MAP2K5: variants seen among roughly 807,000 people sequenced by gnomAD.
The protein encoded by MAP2K5 is mitogen-activated protein kinase kinase 5.
MAP2K5 carries 49 observed loss-of-function variants against 83.1 expected under a neutral mutation model. The observed-to-expected ratio is 0.59, with a 90% CI of 0.47 to 0.75. The LOEUF (loss-of-function observed/expected upper bound fraction) is 0.75. Among genes scored for constraint, MAP2K5 ranks in the 30% least tolerant of loss-of-function variants. MAP2K5 has a pLI of 0.00. For synonymous variants in MAP2K5, 202 were observed against 191.8 expected (o/e 1.05, Z -0.44); for missense variants, 457 against 557.5 (o/e 0.82, Z 1.82).
In MAP2K5 at chr15:67,769,531, G is replaced by C; in HGVS notation, c.1135-71G>C. 2 of 1,333,104 alleles carry C rather than the reference G, an allele frequency of 1.5e-6. No homozygotes were observed. Among genetic ancestry groups the C allele is most frequent in the Non-Finnish European group, 2.2e-6 (2 of 926,614 alleles). The allele number at this position is 1,333,104 out of a possible 1,614,324, so 82.6% of individuals were successfully genotyped here. A position where few individuals can be genotyped will look rare whatever the true frequency, so the allele number is the denominator to read the frequency against. ...ATCTTTATACTCATCCTTCACATGGGTGGGTGGGGAATATAAAGAAAGAGA... is the reference window on the plus strand; with the variant it reads ...ATCTTTATACTCATCCTTCACATGGCTGGGTGGGGAATATAAAGAAAGAGA... On this transcript the variant is annotated intron_variant, in intron 19 of 21. Transcript: ENST00000178640. This position sits in a 1 kb window ranked among gnomAD's most constrained non-coding sequence, Gnocchi z 5.2.
intron 9 of MAP2K5, among the ~76,000 whole-genome samples, chr15:67,633,430 T>G (rs1309808969): frequency 6.6e-6 from 1 of 152,232 alleles, no homozygotes; most frequent in African/African-American, 2.4e-5. Flanking sequence ...TTTTCGTAAT[T>G]TCATACATTT....
At position 67,757,705 on chromosome 15, in the gene MAP2K5, G is replaced by C. The variant is rs1457270808; in HGVS notation, c.1134+9104G>C. Among the ~76,000 whole-genome samples the C allele has an allele frequency of 1.3e-5, 2 of 152,038 alleles. No individual in the cohort carries two copies. Among genetic ancestry groups the C allele is most frequent in the Non-Finnish European group, 2.9e-5 (2 of 67,996 alleles). Reference sequence around the variant, plus strand: ...TCACTAAACTGCAGGTAATGTAAGTGATACGAGACTTGATGGCCTGGGCTC... The same window carrying C: ...TCACTAAACTGCAGGTAATGTAAGTCATACGAGACTTGATGGCCTGGGCTC... On this transcript the variant is annotated intron_variant, in intron 19 of 21. Coordinates refer to ENST00000178640, the MANE Select transcript of MAP2K5 (RefSeq NM_145160.3). This position sits in a 1 kb window ranked among gnomAD's most constrained non-coding sequence, Gnocchi z 4.9.
rs2089934710 is a variant in MAP2K5 at position 67,760,792 on chromosome 15, G to C, written c.1135-8810G>C. Among the ~76,000 whole-genome samples, 1 of 152,086 alleles carries C rather than the reference G, an allele frequency of 6.6e-6. No homozygotes were observed. Among genetic ancestry groups the C allele is most frequent in the South Asian group, 2.1e-4 (1 of 4,816 alleles). On this transcript the variant is annotated intron_variant, in intron 19 of 21. Coordinates refer to ENST00000178640, the MANE Select transcript of MAP2K5 (RefSeq NM_145160.3). This position sits in a 1 kb window ranked among gnomAD's most constrained non-coding sequence, Gnocchi z 4.1. Reference sequence around the variant, plus strand: ...CTGCTGTCATTTAACATGTGTTGCTGTATTGTGAAGTCTTACCCAGCCATA... The same window carrying C: ...CTGCTGTCATTTAACATGTGTTGCTCTATTGTGAAGTCTTACCCAGCCATA...
At position 67,763,226 on chromosome 15, in the gene MAP2K5, A is replaced by G. The variant is rs183449253; in HGVS notation, c.1135-6376A>G. Among the ~76,000 whole-genome samples the G allele has an allele frequency of 7.0e-4, 106 of 152,238 alleles. 1 individual carries two copies. The highest frequency in any genetic ancestry group is 6.8e-3 in the Admixed American group (104 of 15,292). Reference sequence around the variant, plus strand: ...ACACACCGAGAAGTAGGTCAGTTCTATCTGCATCATGAAATCAAAAATAAA... The same window carrying G: ...ACACACCGAGAAGTAGGTCAGTTCTGTCTGCATCATGAAATCAAAAATAAA... On this transcript the variant is annotated intron_variant, in intron 19 of 21. Coordinates refer to ENST00000178640, the MANE Select transcript of MAP2K5 (RefSeq NM_145160.3).
At chr15:67,788,416 C>G (rs1358432343) in intron 21 of MAP2K5, among the ~76,000 whole-genome samples, 1 of 152,108 alleles carries the variant, frequency 6.6e-6, no homozygotes, top group Non-Finnish European at 1.5e-5. Flanking sequence ...AAGTATTTCT[C>G]TATTTTATAA....
At chr15:67,655,245 C>T (rs1485309309) in intron 11 of MAP2K5, among the ~76,000 whole-genome samples, 1 of 152,172 alleles carries the variant, frequency 6.6e-6, no homozygotes, top group East Asian at 1.9e-4. Context: ...ACAAAACATA[C>T]ATTTATCCTG....
At chr15:67,584,649 G>A (rs955167517) in intron 4 of MAP2K5, among the ~76,000 whole-genome samples, 34 of 132,946 alleles carry the variant, frequency 2.6e-4, no homozygotes, top group African/African-American at 9.2e-4. Flanking sequence ...GCAGTGTTTT[G>A]TAATTATTAC....
In MAP2K5 at chr15:67,736,663, C is replaced by T. The variant is rs2089347520; in HGVS notation, c.1074+8718C>T. Reference sequence around the variant, plus strand: ...ATATATAGAATTATATACAGAATCTCGTCATTTTTAGTTCAGTTACTGGGG... The same window carrying T: ...ATATATAGAATTATATACAGAATCTTGTCATTTTTAGTTCAGTTACTGGGG... On this transcript the variant is annotated intron_variant, in intron 17 of 21. Coordinates refer to ENST00000178640, the MANE Select transcript of MAP2K5 (RefSeq NM_145160.3). The surrounding 1 kb of genome is among the most constrained non-coding windows in gnomAD (Gnocchi z 4.3). Among the ~76,000 whole-genome samples, 2 of 152,246 alleles carry T rather than the reference C, an allele frequency of 1.3e-5. No individual in the cohort carries two copies. Among genetic ancestry groups the T allele is most frequent in the Admixed American group, 6.5e-5 (1 of 15,294 alleles).
intron 6 of MAP2K5, among the ~76,000 whole-genome samples, chr15:67,590,442 C>CTCTCTCTCTCTCTCT (rs2085377738): frequency 1.6e-3 from 9 of 5,806 alleles, no homozygotes; most frequent in African/African-American, 3.0e-3. Flanking sequence ...TCTCTCCCTC[C>CTCTCTCTCTCTCTCT]CTCCCTCTCT....
intron 8 of MAP2K5, among the ~76,000 whole-genome samples, chr15:67,627,451 T>A (rs1185390248): frequency 6.6e-6 from 1 of 152,226 alleles, no homozygotes; most frequent in Non-Finnish European, 1.5e-5. Flanking sequence ...AAGTTTACCT[T>A]CCATGACTGG....
intron 21 of MAP2K5, among the ~76,000 whole-genome samples, chr15:67,803,154 CA>C (rs1288122488): frequency 3.3e-5 from 5 of 152,362 alleles, no homozygotes; most frequent in South Asian, 2.1e-4. Context: ...TAGCACACAG[CA>C]CTCCTTGTCC....
In MAP2K5 at chr15:67,690,822, C is replaced by G. The variant is rs1381418106; in HGVS notation, c.848-1657C>G. On this transcript the variant is annotated intron_variant, in intron 13 of 21. Coordinates refer to ENST00000178640, the MANE Select transcript of MAP2K5 (RefSeq NM_145160.3). The surrounding 1 kb of genome is among the most constrained non-coding windows in gnomAD (Gnocchi z 4.3). ...GTGTTGGGATTACATGCGTGAGCCA[C>G]TGCTCCCGGCCATGTATTAGTAAAT... Among the ~76,000 whole-genome samples, 1 of 152,214 alleles carries G rather than the reference C, an allele frequency of 6.6e-6. No homozygotes were observed. Among genetic ancestry groups the G allele is most frequent in the African/African-American group, 2.4e-5 (1 of 41,456 alleles).
chr15:67,599,488 A>T (rs2085604437), intron 7 of MAP2K5, among the ~76,000 whole-genome samples: 1 of 152,242 alleles, frequency 6.6e-6, no homozygotes, highest in African/African-American at 2.4e-5. Flanking sequence ...CAACTTCAGA[A>T]ATGTGTAGAA....
In MAP2K5 at chr15:67,738,034, T is replaced by C. The variant is rs1372607304; in HGVS notation, c.1074+10089T>C. On this transcript the variant is annotated intron_variant, in intron 17 of 21. Coordinates refer to ENST00000178640, the MANE Select transcript of MAP2K5 (RefSeq NM_145160.3). This position sits in a 1 kb window ranked among gnomAD's most constrained non-coding sequence, Gnocchi z 4.1. ...ACCCGGCTAATTTTTGTATTTTTAA[T>C]AGAGATGAGATTTCGCCATGTTGGC... Among the ~76,000 whole-genome samples, 1 of 151,844 alleles carries C rather than the reference T, an allele frequency of 6.6e-6. No individual in the cohort carries two copies. Among genetic ancestry groups the C allele is most frequent in the Non-Finnish European group, 1.5e-5 (1 of 67,938 alleles).
rs374852044 is a variant in MAP2K5 at position 67,723,131 on chromosome 15, A to G, written c.1045-4785A>G. Among the ~76,000 whole-genome samples, 5 of 152,110 alleles carry G rather than the reference A, an allele frequency of 3.3e-5. No individual in the cohort carries two copies. In the East Asian group the frequency reaches 5.8e-4, roughly 18 times the overall value. ...TGGCTACAATGTTTGTTTTCTCTTT[A>G]TCATTTATGATTCTATGACAATAAT... is the stretch of plus-strand genomic sequence containing the variant. On this transcript the variant is annotated intron_variant, in intron 16 of 21. Transcript: ENST00000178640.
chr15:67,639,662 T>A (rs1374159889), intron 9 of MAP2K5, among the ~76,000 whole-genome samples: 1 of 152,184 alleles, frequency 6.6e-6, no homozygotes, highest in Non-Finnish European at 1.5e-5. Flanking sequence ...CCAGATAAAC[T>A]AAAGACTTTA....
At chr15:67,684,525 A>G (rs910556166) in intron 13 of MAP2K5, among the ~76,000 whole-genome samples, 10 of 152,214 alleles carry the variant, frequency 6.6e-5, no homozygotes, top group Non-Finnish European at 1.0e-4. Flanking sequence ...CAACGACACA[A>G]GATTCACAAT....
chr15:67,727,782 T>C (rs2089132520), intron 16 of MAP2K5, 134 bp from the exon 17 acceptor site: 4 of 751,186 alleles, frequency 5.3e-6, no homozygotes, highest in South Asian at 2.9e-5. Context: ...AGCAATAATT[T>C]AGTTTGTACA....
In MAP2K5 at chr15:67,565,097, A is replaced by C. The variant is rs2084810915; in HGVS notation, c.252+1747A>C. On this transcript the variant is annotated intron_variant, in intron 3 of 21. Coordinates refer to ENST00000178640, the MANE Select transcript of MAP2K5 (RefSeq NM_145160.3). This position sits in a 1 kb window ranked among gnomAD's most constrained non-coding sequence, Gnocchi z 4.1. ...GGTTAAGAGATAAGCCCAAGGTCTTAGAGCTAGTATGAATGTGAATATGGA... is the reference window on the plus strand; with the variant it reads ...GGTTAAGAGATAAGCCCAAGGTCTTCGAGCTAGTATGAATGTGAATATGGA... Among the ~76,000 whole-genome samples the C allele has an allele frequency of 6.6e-6, 1 of 152,248 alleles. No individual in the cohort carries two copies.
Sources: allele counts gnomAD v4.1 joint callset (sites outside exome capture counted in the v4.1 genomes callset), GRCh38; gene constraint gnomAD v4.1.1; non-coding constraint Gnocchi (gnomAD v3.1); transcripts MANE v1.5; gene names NCBI Gene and HGNC (gene_info 2026-07-23, HGNC 2026-07-21).